ANKFN1: variants seen among roughly 807,000 people sequenced by gnomAD.
ANKFN1 encodes ankyrin repeat and fibronectin type-III domain-containing protein 1.
A neutral mutation model predicts 108.7 loss-of-function variants in ANKFN1; 74 were observed. The ratio of observed to expected loss-of-function variants is 0.68; its 90% CI spans 0.56 to 0.83. The LOEUF is 0.83. Ranked by LOEUF, ANKFN1 falls within the 40% of genes least tolerant of loss-of-function variation. The pLI, the probability that ANKFN1 is intolerant of heterozygous loss-of-function variation, is 0.00. For synonymous variants in ANKFN1, 547 were observed against 516.2 expected (o/e 1.06, Z -0.81); for missense variants, 1,505 against 1,382.3 (o/e 1.09, Z -1.41).
chr17:56,152,272 G>A (rs1018281732), upstream of ANKFN1, among the ~76,000 whole-genome samples: 24 of 145,790 alleles, frequency 1.6e-4, no homozygotes, highest in South Asian at 4.5e-4. Context: ...ATGTGTGTGT[G>A]TGTGTGTGTG....
chr17:56,296,379 A>T (rs893297466), intron 3 of ANKFN1, among the ~76,000 whole-genome samples: 4 of 152,204 alleles, frequency 2.6e-5, no homozygotes, highest in African/African-American at 9.7e-5. Flanking sequence ...TCTTTGTAAA[A>T]GAAGCTGATT....
At chr17:56,407,095 T>C (rs1202871733) in intron 8 of ANKFN1, among the ~76,000 whole-genome samples, 1 of 152,176 alleles carries the variant, frequency 6.6e-6, no homozygotes, top group Non-Finnish European at 1.5e-5. Context: ...TTTGATAAGC[T>C]AAAATTGTCT....
At position 56,510,799 on chromosome 17, in the gene ANKFN1, C is replaced by T. The variant is rs1303488612; in HGVS notation, c.2971C>T (p.Arg991Trp). The change falls in exon 21 of 21, where the codon CGG becomes TGG. Residue 991 changes from arginine (R) to tryptophan (W), a missense_variant. Physicochemically the swap from Arg to Trp is moderately radical, Grantham distance 101. Transcript: ENST00000682825. ...KNHAKTVSGG[R>W]PPLGFLGKRK... ...CCACGCCAAGACTGTGTCCGGTGGG[C>T]GGCCCCCGCTAGGCTTCCTGGGAAA... The T allele has an allele frequency of 4.6e-6, 7 of 1,536,052 alleles. No homozygotes were observed. Among genetic ancestry groups the T allele is most frequent in the Non-Finnish European group, 6.1e-6 (7 of 1,146,916 alleles).
At chr17:56,067,066 G>A (rs1291929389) in intron 4 of ANKFN1, among the ~76,000 whole-genome samples, 1 of 152,150 alleles carries the variant, frequency 6.6e-6, no homozygotes, top group Non-Finnish European at 1.5e-5. Flanking sequence ...GAGAGTGCCT[G>A]TAGTCCTGGC....
At chr17:56,153,662 G>T in intron 1 of ANKFN1, 132 bp downstream of exon 1, 1 of 1,247,646 alleles carries the variant, frequency 8.0e-7, no homozygotes, top group Non-Finnish European at 1.2e-6. Flanking sequence ...CCATGGTCAG[G>T]CAGAGGGAAA....
At chr17:56,185,897 G>T (rs1221012028) in intron 1 of ANKFN1, among the ~76,000 whole-genome samples, 3 of 151,658 alleles carry the variant, frequency 2.0e-5, no homozygotes, top group Admixed American at 1.3e-4. Context: ...GAAGTGGAGG[G>T]TTAGGAAACC....
chr17:56,492,823 A>C (rs1323469782), intron 19 of ANKFN1, among the ~76,000 whole-genome samples: 1 of 152,186 alleles, frequency 6.6e-6, no homozygotes, highest in Non-Finnish European at 1.5e-5. Flanking sequence ...CAGAATTGAC[A>C]CTTTAATATG....
At chr17:56,284,249 T>A (rs2144263903) in intron 3 of ANKFN1, among the ~76,000 whole-genome samples, 1 of 152,318 alleles carries the variant, frequency 6.6e-6, no homozygotes, top group East Asian at 1.9e-4. Context: ...TCTGGGAAAT[T>A]TCTGTGGGAA....
intron 1 of ANKFN1, among the ~76,000 whole-genome samples, chr17:56,182,164 C>T (rs1326622590): frequency 6.6e-6 from 1 of 152,116 alleles, no homozygotes; most frequent in Non-Finnish European, 1.5e-5. Flanking sequence ...AATTAATAAC[C>T]CTACATTGGT....
rs140208163 is a variant in ANKFN1 at position 56,296,240 on chromosome 17, T to C, written c.54-29981T>C. 3.4e-4 allele frequency among the ~76,000 whole-genome samples: 52 copies of C among 152,230 alleles called. 1 individual carries two copies. The East Asian group carries it at 6.7e-3, about 20-fold the overall frequency. The stretch of plus-strand genomic sequence containing the variant: ...CAGCAACCTAAGAAATCAGAGAACA[T>C]TCTATTGACTAATTTAAACTAGATT... On this transcript the variant is annotated intron_variant, in intron 3 of 20. Transcript: ENST00000682825.
intron 3 of ANKFN1, among the ~76,000 whole-genome samples, chr17:56,324,993 C>T (rs2045476045): frequency 6.6e-6 from 1 of 152,096 alleles, no homozygotes; most frequent in African/African-American, 2.4e-5. Flanking sequence ...TACAAGATGT[C>T]ATTTCCAGGA....
At chr17:56,448,376 C>T (rs1460531541) in intron 10 of ANKFN1, among the ~76,000 whole-genome samples, 4 of 151,698 alleles carry the variant, frequency 2.6e-5, no homozygotes, top group African/African-American at 9.7e-5. Flanking sequence ...TATAGCTAAA[C>T]GGAATGAAAA....
chr17:56,101,399 C>A (rs141562427), intron 4 of ANKFN1, among the ~76,000 whole-genome samples: 500 of 152,308 alleles, frequency 3.3e-3, no homozygotes, highest in Non-Finnish European at 4.6e-3. Context: ...TCCTCATTAA[C>A]CTACACTTTA....
chr17:56,511,188 G>A lies in ANKFN1; in HGVS notation c.3360G>A (p.Leu1120=). Residue 1120 remains leucine (L), a synonymous_variant, in exon 21 of 21, where the codon CTG becomes CTA. Transcript: ENST00000682825. The part of the protein sequence containing the change: ...LSPPSGGRIT[L]PSPTGPDVSQ... ...CGCCCTCTGGAGGCCGCATCACCCT[G>A]CCCAGCCCCACTGGCCCCGATGTGA... is the stretch of plus-strand genomic sequence containing the variant. 1.3e-6 allele frequency: 2 copies of A among 1,535,962 alleles called. No individual in the cohort carries two copies. Among genetic ancestry groups the A allele is most frequent in the Non-Finnish European group, 1.7e-6 (2 of 1,146,846 alleles).
At chr17:56,134,502 A>G (rs1907478506) in intron 4 of ANKFN1, among the ~76,000 whole-genome samples, 1 of 152,116 alleles carries the variant, frequency 6.6e-6, no homozygotes, top group South Asian at 2.1e-4. Context: ...AGAACAAAAG[A>G]TGCTTCTGTC....
chr17:56,277,153 G>T (rs1353400179), intron 3 of ANKFN1, among the ~76,000 whole-genome samples: 7 of 152,100 alleles, frequency 4.6e-5, no homozygotes, highest in Admixed American at 2.6e-4. Context: ...GTAGCTGTTT[G>T]GTATGTCCAG....
intron 8 of ANKFN1, among the ~76,000 whole-genome samples, chr17:56,428,137 G>A (rs2048631066): frequency 6.6e-6 from 1 of 151,936 alleles, no homozygotes; most frequent in Non-Finnish European, 1.5e-5. Context: ...AGGAGGCTGA[G>A]GCATGAGAAT....
At chr17:56,064,513 A>T (rs879906920) in intron 4 of ANKFN1, among the ~76,000 whole-genome samples, 10 of 152,200 alleles carry the variant, frequency 6.6e-5, no homozygotes, top group Admixed American at 6.5e-4. Context: ...CTCTGGCCGC[A>T]GTCTGCCACT....
At chr17:56,387,707 G>T (rs2047315682) in intron 8 of ANKFN1, among the ~76,000 whole-genome samples, 1 of 151,994 alleles carries the variant, frequency 6.6e-6, no homozygotes, top group African/African-American at 2.4e-5. Flanking sequence ...CGTCCCTTTG[G>T]TCTTTGATCT....
Sources: gnomAD v4.1 joint callset for allele counts (sites outside exome capture counted in the v4.1 genomes callset) on GRCh38, gnomAD v4.1.1 for gene constraint, MANE v1.5 for transcripts, NCBI Gene and HGNC (gene_info 2026-07-23, HGNC 2026-07-21) for gene names.